CA10: variants seen among roughly 807,000 people sequenced by gnomAD.
CA10 encodes carbonic anhydrase 10 (inactive), also known as carbonic anhydrase-related protein 10.
In CA10, 14 loss-of-function variants were observed where a neutral mutation model predicts 44.2. The observed-to-expected ratio is 0.32, with a 90% CI of 0.21 to 0.50. The LOEUF is 0.50. CA10 is among the 20% of genes least tolerant of loss of function. The probability of loss-of-function intolerance (pLI) is 0.99; values close to 1 mark genes in which losing one functional copy is unlikely to be tolerated. For synonymous variants in CA10, 159 were observed against 141.6 expected, an observed-to-expected ratio of 1.12 and a Z score of -0.87; for missense variants, 350 against 409.7, an observed-to-expected ratio of 0.85 and a Z score of 1.26.
intron 2 of CA10, among the ~76,000 whole-genome samples, chr17:51,948,160 A>G (rs1455789672): frequency 3.9e-5 from 6 of 151,958 alleles, no homozygotes; most frequent in African/African-American, 1.2e-4. Flanking sequence ...CAAGACTGCC[A>G]CCCCTGTGAG....
chr17:52,036,454 G>A (rs1986620742), intron 2 of CA10, among the ~76,000 whole-genome samples: 1 of 152,164 alleles, frequency 6.6e-6, no homozygotes, highest in Non-Finnish European at 1.5e-5. Context: ...GGGAGCATAG[G>A]AAACATTGGG....
rs1040650990 is a variant in CA10 at position 52,122,728 on chromosome 17, C to A, written c.61+34998G>T. On this transcript the variant is annotated intron_variant, in intron 1 of 8. Transcript: ENST00000451037. Reference sequence around the variant, plus strand: ...GAATGGAGGGCAGATCCTACTTAAGCATTCTTAAACAGCTTAAATACGCCT... The same window carrying A: ...GAATGGAGGGCAGATCCTACTTAAGAATTCTTAAACAGCTTAAATACGCCT... Among the ~76,000 whole-genome samples, 39 of 152,314 alleles carry A rather than the reference C, an allele frequency of 2.6e-4. 1 individual carries two copies. Among genetic ancestry groups the A allele is most frequent in the Non-Finnish European group, 1.9e-4 (13 of 68,030 alleles).
intron 1 of CA10, among the ~76,000 whole-genome samples, chr17:52,105,457 G>C (rs554874820): frequency 5.3e-5 from 8 of 151,980 alleles, no homozygotes; most frequent in Non-Finnish European, 8.8e-5. Flanking sequence ...GGGTTTCACC[G>C]TGTTAGCCAG....
At chr17:51,912,767 G>A (rs1981841195) in intron 3 of CA10, among the ~76,000 whole-genome samples, 1 of 152,168 alleles carries the variant, frequency 6.6e-6, no homozygotes, top group African/African-American at 2.4e-5. Context: ...AGCATGTGAA[G>A]CAACACTATC....
chr17:51,675,216 A>G (rs969926450), intron 4 of CA10, among the ~76,000 whole-genome samples: 2 of 152,154 alleles, frequency 1.3e-5, no homozygotes, highest in Non-Finnish European at 2.9e-5. Flanking sequence ...CATAATTGTC[A>G]TTATTCTGTA....
At chr17:52,122,755 T>G (rs185302523) in intron 1 of CA10, among the ~76,000 whole-genome samples, 1 of 152,318 alleles carries the variant, frequency 6.6e-6, no homozygotes, top group Admixed American at 6.5e-5. Context: ...AATACGCCTC[T>G]TGGGTTCAAC....
chr17:51,847,406 T>C (rs1203868730), intron 3 of CA10, among the ~76,000 whole-genome samples: 1 of 152,214 alleles, frequency 6.6e-6, no homozygotes. Flanking sequence ...AATGGACTTC[T>C]GGATATTTGG....
intron 2 of CA10, among the ~76,000 whole-genome samples, chr17:51,971,260 A>G (rs1201960741): frequency 6.6e-6 from 1 of 152,118 alleles, no homozygotes; most frequent in Admixed American, 6.6e-5. Flanking sequence ...ACAGTTTCTT[A>G]TCTGTAAAGG....
At chr17:51,785,745 T>C (rs531229426) in intron 3 of CA10, among the ~76,000 whole-genome samples, 1 of 152,344 alleles carries the variant, frequency 6.6e-6, no homozygotes, top group East Asian at 1.9e-4. Flanking sequence ...TTGTGATTCC[T>C]CCAGTTTTCT....
intron 3 of CA10, among the ~76,000 whole-genome samples, chr17:51,872,147 A>G (rs1241850095): frequency 1.3e-5 from 2 of 152,230 alleles, no homozygotes; most frequent in South Asian, 4.1e-4. Context: ...GGTCTTTTCT[A>G]TGGAGAATTT....
chr17:52,076,042 C>T lies in CA10; in HGVS notation c.62-3649G>A, dbSNP rs141953448. Among the ~76,000 whole-genome samples the T allele has an allele frequency of 8.5e-4, 129 of 152,106 alleles. 2 individuals carry two copies. The East Asian group carries it at 0.012, about 14-fold the overall frequency. The stretch of plus-strand genomic sequence containing the variant: ...AAAGCATACATGCATGTTGTCAAGA[C>T]GGCAAAAAAGGGAAAGCTAACTCTA... On this transcript the variant is annotated intron_variant, in intron 1 of 8. Coordinates refer to ENST00000451037, the MANE Select transcript of CA10 (RefSeq NM_020178.5).
intron 3 of CA10, among the ~76,000 whole-genome samples, chr17:51,781,889 A>C (rs1264082086): frequency 2.6e-5 from 4 of 152,186 alleles, no homozygotes; most frequent in Admixed American, 2.6e-4. Context: ...TAACATTGAG[A>C]TAGGTATTGT....
At chr17:51,992,055 G>T (rs972442410) in intron 2 of CA10, among the ~76,000 whole-genome samples, 4 of 151,756 alleles carry the variant, frequency 2.6e-5, no homozygotes, top group Non-Finnish European at 5.9e-5. Flanking sequence ...AATTTTTCAT[G>T]AATGTTGACA....
At chr17:51,789,204 G>A (rs1442774079) in intron 3 of CA10, among the ~76,000 whole-genome samples, 2 of 151,924 alleles carry the variant, frequency 1.3e-5, no homozygotes, top group African/African-American at 2.4e-5. Context: ...TTAGTAGAGA[G>A]GGGGTTTCAC....
At chr17:52,144,115 A>T (rs1002529086) in intron 1 of CA10, among the ~76,000 whole-genome samples, 4 of 152,222 alleles carry the variant, frequency 2.6e-5, no homozygotes, top group African/African-American at 9.6e-5. Flanking sequence ...GAATAGGTTG[A>T]AAAAAACATG....
chr17:52,105,736 A>G (rs968777990), intron 1 of CA10, among the ~76,000 whole-genome samples: 1 of 152,230 alleles, frequency 6.6e-6, no homozygotes, highest in African/African-American at 2.4e-5. Context: ...AACATGCTAA[A>G]GCATTTATTG....
intron 3 of CA10, among the ~76,000 whole-genome samples, chr17:51,759,091 A>T (rs1905149077): frequency 1.3e-5 from 2 of 152,194 alleles, no homozygotes; most frequent in Non-Finnish European, 2.9e-5. Flanking sequence ...ACCTTAGCCC[A>T]CTAGCATGTG....
intron 2 of CA10, among the ~76,000 whole-genome samples, chr17:51,987,304 C>G (rs1052200858): frequency 6.6e-6 from 1 of 151,994 alleles, no homozygotes; most frequent in Non-Finnish European, 1.5e-5. Context: ...TATATTCTCA[C>G]TCATCAGTGG....
intron 3 of CA10, among the ~76,000 whole-genome samples, chr17:51,895,058 C>T (rs1981011762): frequency 6.6e-6 from 1 of 152,020 alleles, no homozygotes; most frequent in South Asian, 2.1e-4. Context: ...AATTATTATT[C>T]TCATCACTGA....
Sources: allele counts gnomAD v4.1 joint callset (sites outside exome capture counted in the v4.1 genomes callset), GRCh38; gene constraint gnomAD v4.1.1; transcripts MANE v1.5; gene names NCBI Gene and HGNC (gene_info 2026-07-23, HGNC 2026-07-21).